The following MCC variants were observed in gnomAD, a reference collection of about 807,000 sequenced individuals.
MCC encodes the protein MCC regulator of Wnt signaling pathway, also known as colorectal mutant cancer protein.
In MCC, 90 loss-of-function variants were observed where a neutral mutation model predicts 116.2. The observed-to-expected ratio is 0.77, with a 90% CI of 0.65 to 0.92. The LOEUF is 0.92. MCC is among the 40% of genes least tolerant of loss of function. The pLI is 0.00. For missense variants in MCC, 1,516 were observed against 1,312.2 expected (o/e 1.16, Z -2.40); for synonymous variants, 578 against 510.5 (o/e 1.13, Z -1.78).
At chr5:113,410,952 C>T (rs1298831821) in intron 1 of MCC, among the ~76,000 whole-genome samples, 1 of 152,164 alleles carries the variant, frequency 6.6e-6, no homozygotes, top group Non-Finnish European at 1.5e-5. Flanking sequence ...TTTTTTATGG[C>T]TGCATAGTAT....
intron 17 of MCC, among the ~76,000 whole-genome samples, chr5:113,040,593 A>G (rs1327732019): frequency 6.6e-6 from 1 of 152,234 alleles, no homozygotes; most frequent in Non-Finnish European, 1.5e-5. Flanking sequence ...ATTTTTTAAA[A>G]TAAAAACCTC....
At chr5:113,213,897 C>T (rs1161751142) in intron 3 of MCC, among the ~76,000 whole-genome samples, 3 of 152,176 alleles carry the variant, frequency 2.0e-5, no homozygotes, top group African/African-American at 4.8e-5. Flanking sequence ...TCCTTTTCAG[C>T]ACTAAAGAAT....
chr5:113,051,582 G>A (rs969858298), intron 15 of MCC, among the ~76,000 whole-genome samples: 3 of 152,070 alleles, frequency 2.0e-5, no homozygotes, highest in Admixed American at 6.6e-5. Flanking sequence ...AAAGTCAGCT[G>A]GGTAGGGCAG....
chr5:113,310,172 C>T (rs1404010294), intron 3 of MCC, among the ~76,000 whole-genome samples: 1 of 152,226 alleles, frequency 6.6e-6, no homozygotes, highest in Non-Finnish European at 1.5e-5. Flanking sequence ...CCCAATGGAA[C>T]AGCGTTAAGA....
intron 6 of MCC, among the ~76,000 whole-genome samples, chr5:113,121,760 A>G (rs1284418051): frequency 6.6e-6 from 1 of 152,052 alleles, no homozygotes; most frequent in African/African-American, 2.4e-5. Context: ...ACTATATGCA[A>G]CTCTTCTTTC....
At chr5:113,207,083 C>T (rs574736450) in intron 3 of MCC, among the ~76,000 whole-genome samples, 1 of 152,272 alleles carries the variant, frequency 6.6e-6, no homozygotes, top group South Asian at 2.1e-4. Context: ...ATACGTAAAA[C>T]AGAGTTCAGT....
intron 14 of MCC, among the ~76,000 whole-genome samples, chr5:113,058,436 G>T (rs1215937334): frequency 6.6e-6 from 1 of 152,194 alleles, no homozygotes; most frequent in Non-Finnish European, 1.5e-5. Context: ...GAACTCTGGA[G>T]GTGGAGCCCA....
chr5:113,411,998 AG>A (rs1431041992), intron 1 of MCC, among the ~76,000 whole-genome samples: 4 of 152,218 alleles, frequency 2.6e-5, no homozygotes, highest in African/African-American at 9.6e-5. Flanking sequence ...ATGGCTAGCC[AG>A]TTTTCCCAGC....
chr5:113,411,691 TA>T (rs1188633646), intron 1 of MCC, among the ~76,000 whole-genome samples: 2 of 151,264 alleles, frequency 1.3e-5, no homozygotes, highest in South Asian at 2.1e-4. Flanking sequence ...AAAAGCAAAA[TA>T]AAAAAAAATT....
chr5:113,191,701 G>A (rs1410817574), intron 3 of MCC, among the ~76,000 whole-genome samples: 1 of 152,208 alleles, frequency 6.6e-6, no homozygotes, highest in Non-Finnish European at 1.5e-5. Flanking sequence ...TAAGACAGCA[G>A]GATGCAACAG....
chr5:113,294,004 G>A (rs893644482), intron 3 of MCC, among the ~76,000 whole-genome samples: 1 of 152,172 alleles, frequency 6.6e-6, no homozygotes, highest in African/African-American at 2.4e-5. Context: ...AAATAAAAGG[G>A]TGTATATAAA....
intron 18 of MCC, among the ~76,000 whole-genome samples, chr5:113,028,119 C>T (rs1750696252): frequency 6.6e-6 from 1 of 152,216 alleles, no homozygotes; most frequent in Non-Finnish European, 1.5e-5. Flanking sequence ...AGCTGCAGTT[C>T]TCCCAGATAG....
chr5:113,284,571 T>C (rs575520597), intron 3 of MCC, among the ~76,000 whole-genome samples: 1 of 152,220 alleles, frequency 6.6e-6, no homozygotes, highest in African/African-American at 2.4e-5. Flanking sequence ...ATTAGAAAAA[T>C]AAAATCTCAG....
intron 2 of MCC, among the ~76,000 whole-genome samples, chr5:113,384,504 C>T (rs905100610): frequency 6.6e-6 from 1 of 152,260 alleles, no homozygotes; most frequent in Non-Finnish European, 1.5e-5. Flanking sequence ...AGGAGAAAGG[C>T]GGGAACCCGG....
intron 3 of MCC, among the ~76,000 whole-genome samples, chr5:113,183,291 G>A (rs1761721628): frequency 6.6e-6 from 1 of 152,180 alleles, no homozygotes. Context: ...GTGTGGAGGG[G>A]AAGGAGACAG....
At chr5:113,077,250 G>A (rs757812449) in intron 11 of MCC, among the ~76,000 whole-genome samples, 3 of 152,128 alleles carry the variant, frequency 2.0e-5, no homozygotes, top group Admixed American at 6.5e-5. Flanking sequence ...AGATCAATGA[G>A]ACAGAAAGTT....
intron 2 of MCC, among the ~76,000 whole-genome samples, chr5:113,380,557 C>T (rs1769092575): frequency 6.6e-6 from 1 of 152,178 alleles, no homozygotes; most frequent in South Asian, 2.1e-4. Flanking sequence ...TTCCCTGTGC[C>T]AGGCACTATT....
In MCC at chr5:113,075,036, T is replaced by C. The variant is rs538114989; in HGVS notation, c.1785-3802A>G. On this transcript the variant is annotated intron_variant, in intron 11 of 18. Transcript: ENST00000408903. ...GGCTGAGGCCAGAGCCAGCTCCCTC[T>C]GCTTGATGGGAAGTGTGGAGGGAGA... Among the ~76,000 whole-genome samples, 40 of 152,290 alleles carry C rather than the reference T, an allele frequency of 2.6e-4. 1 individual carries two copies. The South Asian group carries it at 8.3e-3, about 32-fold the overall frequency.
chr5:113,090,990 G>C (rs150109702), intron 8 of MCC, among the ~76,000 whole-genome samples: 113 of 152,342 alleles, frequency 7.4e-4, no homozygotes, highest in African/African-American at 2.6e-3. Flanking sequence ...CACAGAATGA[G>C]AGCGTGGGAG....
Sources: allele counts gnomAD v4.1 joint callset (sites outside exome capture counted in the v4.1 genomes callset), GRCh38; gene constraint gnomAD v4.1.1; transcripts MANE v1.5; gene names NCBI Gene and HGNC (gene_info 2026-07-23, HGNC 2026-07-21).